Variants in DLG2 observed in about 807,000 individuals in gnomAD.
DLG2 encodes the protein disks large homolog 2.
A neutral mutation model predicts 132.5 loss-of-function variants in DLG2; 45 were observed. That is an observed-to-expected ratio of 0.34 (90% CI 0.27 to 0.44). The LOEUF is 0.44. DLG2 is among the 20% of genes least tolerant of loss of function. The pLI is 1.00. For missense variants in DLG2, 1,045 were observed against 1,196.9 expected, an observed-to-expected ratio of 0.87 and a Z score of 1.87; for synonymous variants, 424 against 419.6, an observed-to-expected ratio of 1.01 and a Z score of -0.13.
intron 3 of DLG2, among the ~76,000 whole-genome samples, chr11:85,413,517 T>C (rs916865628): frequency 6.6e-6 from 1 of 152,068 alleles, no homozygotes; most frequent in African/African-American, 2.4e-5. Flanking sequence ...TGTTATATTC[T>C]AGAATTTTTA....
intron 14 of DLG2, among the ~76,000 whole-genome samples, chr11:83,934,636 G>T (rs1246264332): frequency 1.3e-5 from 2 of 152,158 alleles, no homozygotes; most frequent in African/African-American, 4.8e-5. Context: ...AACAATGAGA[G>T]TGACTTACAC....
intron 6 of DLG2, among the ~76,000 whole-genome samples, chr11:84,679,960 T>C (rs1349691708): frequency 2.0e-5 from 3 of 152,126 alleles, no homozygotes; most frequent in Admixed American, 1.3e-4. Context: ...GAGCTTACAA[T>C]TTAGCTCTCG....
intron 18 of DLG2, among the ~76,000 whole-genome samples, chr11:83,747,334 T>G (rs867574426): frequency 2.7e-5 from 4 of 146,814 alleles, no homozygotes; most frequent in Admixed American, 6.9e-5. Flanking sequence ...CTTCCTGCCT[T>G]CCTTCCTGCC....
intron 5 of DLG2, among the ~76,000 whole-genome samples, chr11:85,142,644 T>A (rs183028166): frequency 1.3e-4 from 19 of 151,932 alleles, no homozygotes; most frequent in Non-Finnish European, 2.4e-4. Flanking sequence ...TTGTTATATA[T>A]CTTAGAGAAA....
intron 3 of DLG2, among the ~76,000 whole-genome samples, chr11:85,352,697 T>C (rs1450571490): frequency 2.0e-5 from 3 of 152,148 alleles, no homozygotes; most frequent in Non-Finnish European, 4.4e-5. Context: ...TCTACAACCA[T>C]CTGATCTTTG....
At chr11:83,697,064 A>G (rs1225211797) in intron 18 of DLG2, among the ~76,000 whole-genome samples, 2 of 152,240 alleles carry the variant, frequency 1.3e-5, no homozygotes, top group South Asian at 2.1e-4. Flanking sequence ...TAGGTGTTCA[A>G]CGTAAGAATA....
intron 6 of DLG2, among the ~76,000 whole-genome samples, chr11:84,580,932 T>A (rs1053506078): frequency 2.0e-5 from 3 of 152,112 alleles, no homozygotes; most frequent in Non-Finnish European, 2.9e-5. Context: ...ATACTCAGAA[T>A]ACTGTGTTCA....
At chr11:83,788,134 A>G (rs2040516651) in intron 17 of DLG2, among the ~76,000 whole-genome samples, 1 of 152,210 alleles carries the variant, frequency 6.6e-6, no homozygotes, top group African/African-American at 2.4e-5. Context: ...TACACGTTCA[A>G]AATGTATAAT....
At chr11:83,887,366 C>T (rs2068226912) in intron 15 of DLG2, among the ~76,000 whole-genome samples, 2 of 151,868 alleles carry the variant, frequency 1.3e-5, no homozygotes, top group Non-Finnish European at 1.5e-5. Context: ...GGATAAATTC[C>T]TCGACACATA....
chr11:84,755,140 G>T (rs1244049731), intron 6 of DLG2, among the ~76,000 whole-genome samples: 1 of 152,144 alleles, frequency 6.6e-6, no homozygotes, highest in Non-Finnish European at 1.5e-5. Context: ...ATTTAAGTTT[G>T]AAGAGACCGG....
intron 3 of DLG2, among the ~76,000 whole-genome samples, chr11:85,467,085 G>C (rs1250597840): frequency 6.6e-6 from 1 of 152,130 alleles, no homozygotes; most frequent in East Asian, 1.9e-4. Context: ...GTGAATGGGA[G>C]TTCACTCATG....
rs2079949758 is a variant in DLG2, at chr11:85,598,665, G to C, written c.32C>G (p.Ala11Gly). 6.4e-7 allele frequency: 1 copy of C among 1,573,204 alleles called. No homozygotes were observed. The highest frequency in any genetic ancestry group is 8.6e-7 in the Non-Finnish European group (1 of 1,162,100). Residue 11 changes from alanine to glycine, a missense_variant, in exon 3 of 28, where the codon GCT becomes GGT. By Grantham distance (60) the Ala-to-Gly change is moderately conservative. Transcript: ENST00000376104. The part of the protein sequence containing the change: MGIFKSSLFQ[A>G]LLDIQEFYEV... Reference sequence around the variant, plus strand: ...ACTTTCATAATACATACCTAGCAAAGCTTGGAATAAGCTGCTCTTAAAGAT... The same window carrying C: ...ACTTTCATAATACATACCTAGCAAACCTTGGAATAAGCTGCTCTTAAAGAT...
At chr11:84,502,056 C>CT (rs1013104178) in intron 7 of DLG2, among the ~76,000 whole-genome samples, 3 of 151,468 alleles carry the variant, frequency 2.0e-5, no homozygotes, top group Non-Finnish European at 2.9e-5. Flanking sequence ...CTTTTCTTTT[C>CT]TTTTTTTCTT....
intron 18 of DLG2, among the ~76,000 whole-genome samples, chr11:83,766,361 G>A (rs192285551): frequency 6.6e-6 from 1 of 150,780 alleles, no homozygotes; most frequent in African/African-American, 2.4e-5. Context: ...CCAAAGTGCT[G>A]GGATTACAGG....
intron 3 of DLG2, among the ~76,000 whole-genome samples, chr11:85,346,180 TTTTC>T (rs2082831826): frequency 6.6e-6 from 1 of 151,734 alleles, no homozygotes; most frequent in African/African-American, 2.4e-5. Context: ...AAAGGATTAA[TTTTC>T]TTTCTTTTTT....
intron 3 of DLG2, among the ~76,000 whole-genome samples, chr11:85,310,671 T>C (rs1244403694): frequency 6.6e-6 from 1 of 152,192 alleles, no homozygotes; most frequent in Non-Finnish European, 1.5e-5. Flanking sequence ...TTAGACTAGA[T>C]GGGGAACTGT....
At chr11:83,988,881 C>T (rs1003542602) in intron 11 of DLG2, among the ~76,000 whole-genome samples, 1 of 152,092 alleles carries the variant, frequency 6.6e-6, no homozygotes, top group Admixed American at 6.6e-5. Flanking sequence ...CCTTGTAATA[C>T]ACTATATAAG....
chr11:85,519,434 A>G (rs2074097241), intron 3 of DLG2, among the ~76,000 whole-genome samples: 4 of 152,124 alleles, frequency 2.6e-5, no homozygotes, highest in Non-Finnish European at 5.9e-5. Flanking sequence ...TCGGACTTGC[A>G]TGGGGCCTGT....
chr11:85,330,730 A>C (rs1280640524), intron 3 of DLG2, among the ~76,000 whole-genome samples: 1 of 123,488 alleles, frequency 8.1e-6, no homozygotes, highest in Non-Finnish European at 1.7e-5. Flanking sequence ...ATACATATGT[A>C]ACTAACCTGC....
Sources: gnomAD v4.1 joint callset for allele counts (sites outside exome capture counted in the v4.1 genomes callset) on GRCh38, gnomAD v4.1.1 for gene constraint, MANE v1.5 for transcripts, NCBI Gene and HGNC (gene_info 2026-07-23, HGNC 2026-07-21) for gene names.